FRRS1: variants seen among roughly 807,000 people sequenced by gnomAD.
FRRS1 encodes the protein ferric chelate reductase 1.
FRRS1 carries 51 observed loss-of-function variants against 70.7 expected under a neutral mutation model. The ratio of observed to expected loss-of-function variants is 0.72; its 90% CI spans 0.58 to 0.91. FRRS1 has a LOEUF of 0.91. Among genes scored for constraint, FRRS1 ranks in the 40% least tolerant of loss-of-function variants. The pLI is 0.00. For synonymous variants in FRRS1, 225 were observed against 238.7 expected, an observed-to-expected ratio of 0.94 and a Z score of 0.53; for missense variants, 672 against 726.0, an observed-to-expected ratio of 0.93 and a Z score of 0.86.
At chr1:99,722,584 TTAAAG>T (rs1220846445) in intron 9 of FRRS1, among the ~76,000 whole-genome samples, 2 of 152,174 alleles carry the variant, frequency 1.3e-5, no homozygotes, top group Non-Finnish European at 2.9e-5. Context: ...CAGAAATCTA[TTAAAG>T]TAATGATAAA....
intron 10 of FRRS1, among the ~76,000 whole-genome samples, chr1:99,718,735 T>C (rs1006847221): frequency 6.6e-6 from 1 of 152,214 alleles, no homozygotes; most frequent in African/African-American, 2.4e-5. Flanking sequence ...TGCTCTCAAA[T>C]ACTTGTACAT....
intron 1 of FRRS1, among the ~76,000 whole-genome samples, chr1:99,763,994 C>T (rs972689320): frequency 4.6e-5 from 7 of 151,994 alleles, no homozygotes; most frequent in Non-Finnish European, 1.0e-4. Context: ...AAATAAACTA[C>T]GCTATACCCA....
intron 4 of FRRS1, among the ~76,000 whole-genome samples, chr1:99,746,997 C>A (rs1591775): frequency 1.3e-5 from 2 of 151,956 alleles, no homozygotes; most frequent in Admixed American, 1.3e-4. Context: ...GAATAAAGAC[C>A]TTTATGATAA....
At position 99,708,455 on chromosome 1, in the gene FRRS1, C is replaced by T. The variant is rs915700169; in HGVS notation, c.*573G>A. Among the ~76,000 whole-genome samples the T allele has an allele frequency of 3.3e-5, 5 of 150,356 alleles. No individual in the cohort carries two copies. The South Asian group carries it at 1.1e-3, about 32-fold the overall frequency. ...ACTAAAAATATAAAAAAAATTAGCC[C>T]GGCATGGTGGCGGGCACCTGTAGTC... On this transcript the variant is annotated 3_prime_UTR_variant, in exon 17 of 17. Coordinates refer to ENST00000646001, the MANE Select transcript of FRRS1 (RefSeq NM_001361041.2).
intron 1 of FRRS1, among the ~76,000 whole-genome samples, chr1:99,764,947 T>A (rs1657281541): frequency 6.6e-6 from 1 of 152,248 alleles, no homozygotes; most frequent in Non-Finnish European, 1.5e-5. Flanking sequence ...CATGTTTTTC[T>A]GCCACATTTG....
rs148998430 is a variant in FRRS1, at chr1:99,733,805, A to G, written c.760-4057T>C. On this transcript the variant is annotated intron_variant, in intron 7 of 16. Coordinates refer to ENST00000646001, the MANE Select transcript of FRRS1 (RefSeq NM_001361041.2). ...AGGAGAAACATCAATAAATGCAAAA[A>G]CCTAGTTACAGGCTATTGGGGAACA... Among the ~76,000 whole-genome samples the G allele has an allele frequency of 4.8e-3, 724 of 152,326 alleles. 16 individuals carry two copies. Among genetic ancestry groups the G allele is most frequent in the South Asian group, 5.4e-3 (26 of 4,832 alleles).
chr1:99,718,623 A>G (rs1654653158), intron 10 of FRRS1, among the ~76,000 whole-genome samples: 1 of 152,066 alleles, frequency 6.6e-6, no homozygotes, highest in South Asian at 2.1e-4. Flanking sequence ...GCCACCGCGT[A>G]CGGCCTAGAG....
intron 12 of FRRS1, among the ~76,000 whole-genome samples, chr1:99,714,162 C>A (rs1268970093): frequency 6.7e-6 from 1 of 150,346 alleles, no homozygotes. Flanking sequence ...GTTTGAGGTA[C>A]AAGAATGGCA....
intron 9 of FRRS1, among the ~76,000 whole-genome samples, chr1:99,727,504 A>T (rs1018474270): frequency 6.6e-6 from 1 of 152,240 alleles, no homozygotes; most frequent in Non-Finnish European, 1.5e-5. Context: ...CCTAAATTTT[A>T]ACATTGAGCA....
chr1:99,740,815 G>A lies in FRRS1; in HGVS notation c.554C>T (p.Pro185Leu), dbSNP rs373460656. 8.0e-5 allele frequency: 129 copies of A among 1,612,138 alleles called. No individual in the cohort carries two copies. The highest frequency in any genetic ancestry group is 2.3e-4 in the African/African-American group (17 of 74,888). Residue 185 changes from proline (P) to leucine (L), a missense_variant, in exon 6 of 17, where the codon CCC becomes CTC. Coordinates refer to ENST00000646001, the MANE Select transcript of FRRS1 (RefSeq NM_001361041.2). Reference sequence around the variant, plus strand: ...TACTGGTTTGGTTAAGTGGGAAACGGGAGGTAACGTTGGCAAAGGTACTAC... The same window carrying A: ...TACTGGTTTGGTTAAGTGGGAAACGAGAGGTAACGTTGGCAAAGGTACTAC... ...ATVVPLPTLPPVSHLTKPFSA... is the reference protein window; with the variant it reads ...ATVVPLPTLPLVSHLTKPFSA...
chr1:99,761,304 T>C (rs1657103272), intron 1 of FRRS1, among the ~76,000 whole-genome samples: 1 of 152,100 alleles, frequency 6.6e-6, no homozygotes, highest in South Asian at 2.1e-4. Context: ...TTTTTTAATT[T>C]TTTTGTAGAG....
At chr1:99,725,630 A>AT (rs1655048679) in intron 9 of FRRS1, among the ~76,000 whole-genome samples, 1 of 152,148 alleles carries the variant, frequency 6.6e-6, no homozygotes, top group Admixed American at 6.5e-5. Flanking sequence ...CAAGACAGAG[A>AT]TTTTCCCTCC....
Position 99,738,231 on chromosome 1 carries a change from A to G in FRRS1, c.614T>C (p.Ile205Thr), listed in dbSNP as rs1021146660. The G allele has an allele frequency of 6.2e-7, 1 of 1,611,140 alleles. No individual in the cohort carries two copies. Among genetic ancestry groups the G allele is most frequent in the Non-Finnish European group, 8.5e-7 (1 of 1,179,058 alleles). Residue 205 changes from isoleucine to threonine, a missense_variant, in exon 7 of 17, where the codon ATT (isoleucine) becomes ACT (threonine). Physicochemically the swap from Ile to Thr is moderately conservative, Grantham distance 89 (BLOSUM62 -1). Transcript: ENST00000646001. ...ASDCGNKKFC[I>T]RSPLNCDPEK... is the part of the protein sequence containing the mutation. Reference sequence around the variant, plus strand: ...TGGGTCACAGTTCAAAGGACTCCTAATACAGAACTTCTTGTTCCCACAATC... The same window carrying G: ...TGGGTCACAGTTCAAAGGACTCCTAGTACAGAACTTCTTGTTCCCACAATC...
intron 9 of FRRS1, among the ~76,000 whole-genome samples, chr1:99,721,241 C>T (rs532604575): frequency 1.3e-5 from 2 of 151,750 alleles, no homozygotes; most frequent in South Asian, 2.1e-4. Flanking sequence ...TAGCCGGGTG[C>T]GCTGGTGGGC....
rs552058269 is a variant in FRRS1 at position 99,711,056 on chromosome 1, G to T, written c.1481-107C>A. 1.2e-4 allele frequency: 115 copies of T among 925,602 alleles called. No individual in the cohort carries two copies. The African/African-American group carries it at 1.8e-3, about 15-fold the overall frequency. 57.3% of individuals were successfully genotyped at this position (925,602 alleles called of 1,614,324 possible). ...AGTAAAACATACTAAAAGAGTTTGAGATAAAAGAAGATTAATATCTAAGAC... is the reference window on the plus strand; with the variant it reads ...AGTAAAACATACTAAAAGAGTTTGATATAAAAGAAGATTAATATCTAAGAC... On this transcript the variant is annotated intron_variant, in intron 14 of 16. Coordinates refer to ENST00000646001, the MANE Select transcript of FRRS1 (RefSeq NM_001361041.2).
chr1:99,748,642 G>A lies in FRRS1; in HGVS notation c.127C>T (p.Pro43Ser), dbSNP rs756040059. The A allele has an allele frequency of 6.2e-7, 1 of 1,613,976 alleles. No individual in the cohort carries two copies. The highest frequency in any genetic ancestry group is 8.5e-7 in the Non-Finnish European group (1 of 1,179,882). ...ATGTCATGAACAGGAACAGACTGTG[G>A]ACTATGACCATGTTCAGGAATCATT... Reference protein sequence around the residue: ...HGMIPEHGHSPQSVPVHDIYV... With the variant: ...HGMIPEHGHSSQSVPVHDIYV... Residue 43 changes from proline to serine, a missense_variant, in exon 3 of 17, where the codon CCA (proline) becomes TCA (serine). Coordinates refer to ENST00000646001, the MANE Select transcript of FRRS1 (RefSeq NM_001361041.2).
intron 6 of FRRS1, among the ~76,000 whole-genome samples, chr1:99,738,648 T>C (rs1655798960): frequency 6.6e-6 from 1 of 152,212 alleles, no homozygotes; most frequent in African/African-American, 2.4e-5. Flanking sequence ...AAGACTTAAA[T>C]GACACTAACG....
intron 9 of FRRS1, among the ~76,000 whole-genome samples, chr1:99,725,107 C>G (rs1655018012): frequency 6.6e-6 from 1 of 152,072 alleles, no homozygotes; most frequent in Non-Finnish European, 1.5e-5. Context: ...AAGGAGCACA[C>G]AACCTAGATC....
At chr1:99,738,673 G>A (rs1655800690) in intron 6 of FRRS1, among the ~76,000 whole-genome samples, 1 of 152,094 alleles carries the variant, frequency 6.6e-6, no homozygotes, top group African/African-American at 2.4e-5. Context: ...TGCCTAAAGG[G>A]TATCCTCTAG....
Sources: gnomAD v4.1 joint callset for allele counts (sites outside exome capture counted in the v4.1 genomes callset) on GRCh38, gnomAD v4.1.1 for gene constraint, MANE v1.5 for transcripts, NCBI Gene and HGNC (gene_info 2026-07-23, HGNC 2026-07-21) for gene names.